DYNC2H1: variants seen among roughly 807,000 people sequenced by gnomAD.
The protein encoded by DYNC2H1 is dynein cytoplasmic 2 heavy chain 1, also known as cytoplasmic dynein 2 heavy chain 1.
In DYNC2H1, 410 loss-of-function variants were observed where a neutral mutation model predicts 570.0. The observed-to-expected ratio is 0.72, with a 90% CI of 0.66 to 0.78. The LOEUF is 0.78. DYNC2H1 is among the 30% of genes least tolerant of loss of function. The pLI, the probability that DYNC2H1 is intolerant of heterozygous loss-of-function variation, is 0.00. For synonymous variants in DYNC2H1, 1,688 were observed against 1,677.6 expected (o/e 1.01, Z -0.15); for missense variants, 4,865 against 5,046.4 (o/e 0.96, Z 1.09).
At chr11:103,212,161 G>A (rs1409725039) in intron 54 of DYNC2H1, among the ~76,000 whole-genome samples, 3 of 151,682 alleles carry the variant, frequency 2.0e-5, no homozygotes, top group South Asian at 2.1e-4. Flanking sequence ...TCTTTTCTTC[G>A]CTGGTTGGCA....
chr11:103,343,234 C>T (rs1939562318), intron 82 of DYNC2H1, among the ~76,000 whole-genome samples: 1 of 152,136 alleles, frequency 6.6e-6, no homozygotes, highest in Non-Finnish European at 1.5e-5. Flanking sequence ...GAGCAGAGCT[C>T]TCAAAGTTAA....
rs763090374 is a variant in DYNC2H1 at position 103,446,762 on chromosome 11, T to C, written c.12457-8424T>C. Among the ~76,000 whole-genome samples the C allele has an allele frequency of 1.3e-5, 2 of 152,100 alleles. No homozygotes were observed. The highest frequency in any genetic ancestry group is 6.6e-5 in the Admixed American group (1 of 15,262). ...TGGTACAAGAAAAAGGAAATGATTTTAGGAGTAAAGTTCTTAAAAAGGCAA... is the reference window on the plus strand; with the variant it reads ...TGGTACAAGAAAAAGGAAATGATTTCAGGAGTAAAGTTCTTAAAAAGGCAA... On this transcript the variant is annotated intron_variant, in intron 85 of 88. Transcript: ENST00000375735. The surrounding 1 kb of genome is among the most constrained non-coding windows in gnomAD (Gnocchi z 4.5).
At chr11:103,327,282 T>A (rs923888948) in intron 82 of DYNC2H1, among the ~76,000 whole-genome samples, 2 of 152,150 alleles carry the variant, frequency 1.3e-5, no homozygotes, top group Admixed American at 1.3e-4. Flanking sequence ...TTAGCCATCT[T>A]GTTCCAGCCC....
Position 103,253,374 on chromosome 11 carries a change from T to C in DYNC2H1, c.10132T>C (p.Phe3378Leu). ...LFLSTRNPNPFIPPDAASIVT... is the reference protein window; with the variant it reads ...LFLSTRNPNPLIPPDAASIVT... ...TTTGTCAACAAGAAACCCAAATCCT[T>C]TTATTCCACCGGATGCAGCTTCCAT... Residue 3378 changes from phenylalanine to leucine, a missense_variant, in exon 66 of 89, where the codon TTT becomes CTT. This residue lies in a region of DYNC2H1 where 2,401 missense variants were observed against 2,454.6 expected (regional missense o/e 0.98). Transcript: ENST00000375735. 1 of 1,613,436 alleles carries C rather than the reference T, an allele frequency of 6.2e-7. No homozygotes were observed. Among genetic ancestry groups the C allele is most frequent in the South Asian group, 1.1e-5 (1 of 91,040 alleles).
rs773149402 is a variant in DYNC2H1, at chr11:103,170,104, A to G, written c.4969-4A>G. 6 of 1,605,814 alleles carry G rather than the reference A, an allele frequency of 3.7e-6. No homozygotes were observed. The highest frequency in any genetic ancestry group is 1.3e-5 in the African/African-American group (1 of 74,612). On this transcript the variant is annotated splice_polypyrimidine_tract_variant and splice_region_variant and intron_variant, in intron 32 of 88. Transcript: ENST00000375735. This position sits in a 1 kb window ranked among gnomAD's most constrained non-coding sequence, Gnocchi z 4.8. Reference sequence around the variant, plus strand: ...TACTCTGACTTTGTGTTGTTCTTGTATAGGGTAATGCTTCCAAACTGGTTT... The same window carrying G: ...TACTCTGACTTTGTGTTGTTCTTGTGTAGGGTAATGCTTCCAAACTGGTTT...
chr11:103,474,769 GT>G (rs1198863540), intron 88 of DYNC2H1, among the ~76,000 whole-genome samples: 2 of 152,096 alleles, frequency 1.3e-5, no homozygotes, highest in Admixed American at 6.5e-5. Context: ...AGATATGTAT[GT>G]TTAGGAAGAA....
intron 84 of DYNC2H1, among the ~76,000 whole-genome samples, chr11:103,418,653 A>G (rs1943370009): frequency 2.6e-5 from 4 of 152,216 alleles, no homozygotes; most frequent in Admixed American, 2.6e-4. Context: ...ATGTTCTCGC[A>G]TTGGAAATGA....
At chr11:103,405,898 A>G (rs1293709227) in intron 84 of DYNC2H1, 1 of 152,036 alleles carries the variant, frequency 6.6e-6, no homozygotes, top group Non-Finnish European at 1.5e-5. Flanking sequence ...GACAGAGGTC[A>G]AGGCCTCTTT....
intron 1 of DYNC2H1, among the ~76,000 whole-genome samples, chr11:103,110,866 C>T (rs1303202462): frequency 6.6e-6 from 1 of 151,638 alleles, no homozygotes; most frequent in Non-Finnish European, 1.5e-5. Flanking sequence ...GCTCGTATTA[C>T]CCAGGCTGGA....
At chr11:103,288,959 A>G (rs1199081567) in intron 75 of DYNC2H1, among the ~76,000 whole-genome samples, 1 of 151,914 alleles carries the variant, frequency 6.6e-6, no homozygotes, top group African/African-American at 2.4e-5. Flanking sequence ...ACGTCTTCAA[A>G]TGGCTCCTGG....
chr11:103,268,090 A>G lies in DYNC2H1; in HGVS notation c.10695+8113A>G, dbSNP rs564473263. ...TTTTATGTATAGTATAAGTATTTCT[A>G]TTCAGTAAATTTCTGTAAGTATAAT... On this transcript the variant is annotated intron_variant, in intron 70 of 88. Coordinates refer to ENST00000375735, the MANE Select transcript of DYNC2H1 (RefSeq NM_001377.3). This position sits in a 1 kb window ranked among gnomAD's most constrained non-coding sequence, Gnocchi z 4.6. Among the ~76,000 whole-genome samples, 1 of 152,140 alleles carries G rather than the reference A, an allele frequency of 6.6e-6. No homozygotes were observed. The highest frequency in any genetic ancestry group is 2.4e-5 in the African/African-American group (1 of 41,536).
chr11:103,167,798 G>A (rs688244), intron 31 of DYNC2H1, among the ~76,000 whole-genome samples: 35,065 of 152,026 alleles, frequency 0.23, 4,659 homozygotes, highest in East Asian at 0.29. Context: ...GATCCTGTTG[G>A]GTTCAGATTC....
chr11:103,403,587 TG>T (rs1942732864), intron 84 of DYNC2H1: 2 of 152,110 alleles, frequency 1.3e-5, no homozygotes, highest in African/African-American at 4.8e-5. Flanking sequence ...CACACATTTT[TG>T]AGCACTGTCC....
intron 84 of DYNC2H1, among the ~76,000 whole-genome samples, chr11:103,432,731 A>G (rs1008949168): frequency 3.9e-5 from 6 of 152,146 alleles, no homozygotes; most frequent in African/African-American, 1.4e-4. Flanking sequence ...ATGTATTTCA[A>G]TATCAAACAG....
chr11:103,293,131 T>A (rs992158476), intron 75 of DYNC2H1, among the ~76,000 whole-genome samples: 1 of 152,194 alleles, frequency 6.6e-6, no homozygotes, highest in Non-Finnish European at 1.5e-5. Flanking sequence ...TTAGCTTTTG[T>A]TTGCCTGGGA....
At chr11:103,263,776 AC>A (rs200967818) in intron 70 of DYNC2H1, among the ~76,000 whole-genome samples, 5,778 of 152,164 alleles carry the variant, frequency 0.038, 367 homozygotes, top group African/African-American at 0.13. Flanking sequence ...TCTAAAATCA[AC>A]CCCCTAACAT....
chr11:103,117,257 T>A (rs1374173845), intron 5 of DYNC2H1, among the ~76,000 whole-genome samples: 1 of 146,968 alleles, frequency 6.8e-6, no homozygotes, highest in African/African-American at 2.5e-5. Context: ...ATATATATAT[T>A]TTATATATAT....
At chr11:103,281,096 G>A (rs11225650) in intron 71 of DYNC2H1, among the ~76,000 whole-genome samples, 1 of 152,136 alleles carries the variant, frequency 6.6e-6, no homozygotes, top group East Asian at 1.9e-4. Flanking sequence ...TATGGACAGT[G>A]CAACTTTGAC....
intron 48 of DYNC2H1, among the ~76,000 whole-genome samples, chr11:103,198,518 A>G (rs1307445695): frequency 1.3e-5 from 2 of 152,164 alleles, no homozygotes; most frequent in Non-Finnish European, 2.9e-5. Flanking sequence ...GCTATCCTAG[A>G]GAGTTTCTTT....
Sources: allele counts gnomAD v4.1 joint callset (sites outside exome capture counted in the v4.1 genomes callset), GRCh38; gene constraint gnomAD v4.1.1; regional missense constraint gnomAD v4.1.1; non-coding constraint Gnocchi (gnomAD v3.1); transcripts MANE v1.5; gene names NCBI Gene and HGNC (gene_info 2026-07-23, HGNC 2026-07-21).